Variants in NIBAN1 observed in about 807,000 individuals in gnomAD.
The protein encoded by NIBAN1 is protein Niban 1.
In NIBAN1, 81 loss-of-function variants were observed where a neutral mutation model predicts 75.1. The observed-to-expected ratio is 1.08, with a 90% CI of 0.90 to 1.30. The LOEUF is 1.30. NIBAN1 is among the 50% of genes most tolerant of loss of function. The probability of loss-of-function intolerance (pLI) is 0.00; values close to 1 mark genes in which losing one functional copy is unlikely to be tolerated. For missense variants in NIBAN1, 1,133 were observed against 1,128.1 expected (o/e 1.00, Z -0.06); for synonymous variants, 436 against 424.8 (o/e 1.03, Z -0.32).
At chr1:184,956,118 T>A (rs192534835) in intron 1 of NIBAN1, among the ~76,000 whole-genome samples, 89 of 152,176 alleles carry the variant, frequency 5.8e-4, no homozygotes, top group Non-Finnish European at 9.9e-4. Context: ...CATCTCTTGA[T>A]CCTGGGTTCC....
chr1:184,946,360 TAAC>T (rs1658226673), intron 1 of NIBAN1, among the ~76,000 whole-genome samples: 1 of 152,174 alleles, frequency 6.6e-6, no homozygotes, highest in African/African-American at 2.4e-5. Flanking sequence ...TGCTATAAAA[TAAC>T]AACAATCCAG....
chr1:184,808,025 C>T (rs1464529149), intron 10 of NIBAN1, 49 bp downstream of exon 10: 2 of 1,607,370 alleles, frequency 1.2e-6, no homozygotes, highest in Non-Finnish European at 8.5e-7. Flanking sequence ...ACCCATTTCT[C>T]TGCTCTCTCT....
At chr1:184,828,501 C>T (rs568981636) in intron 6 of NIBAN1, among the ~76,000 whole-genome samples, 1 of 152,290 alleles carries the variant, frequency 6.6e-6, no homozygotes, top group African/African-American at 2.4e-5. Flanking sequence ...CCTCTTTTTT[C>T]TATGAGTCTT....
At chr1:184,835,114 T>G (rs1459327697) in intron 5 of NIBAN1, among the ~76,000 whole-genome samples, 4 of 152,324 alleles carry the variant, frequency 2.6e-5, no homozygotes, top group East Asian at 3.9e-4. Flanking sequence ...TTTCCCCATT[T>G]CTTGTTTTTG....
intron 1 of NIBAN1, among the ~76,000 whole-genome samples, chr1:184,911,023 C>G (rs61823954): frequency 2.0e-5 from 3 of 151,960 alleles, no homozygotes; most frequent in Non-Finnish European, 4.4e-5. Flanking sequence ...TTGGACTTGT[C>G]AGTCTCCATA....
intron 1 of NIBAN1, among the ~76,000 whole-genome samples, chr1:184,967,219 C>G (rs923406276): frequency 9.3e-5 from 14 of 151,140 alleles, no homozygotes; most frequent in East Asian, 1.9e-4. Context: ...CTCTCTCTCT[C>G]TGTGTGTGTG....
chr1:184,888,845 A>G (rs1197826567), intron 4 of NIBAN1, among the ~76,000 whole-genome samples: 3 of 152,242 alleles, frequency 2.0e-5, no homozygotes, highest in African/African-American at 7.2e-5. Flanking sequence ...GATGTAAAAG[A>G]AAATATAATA....
chr1:184,836,431 C>G (rs934673097), intron 5 of NIBAN1, among the ~76,000 whole-genome samples: 3 of 152,210 alleles, frequency 2.0e-5, no homozygotes, highest in African/African-American at 7.2e-5. Flanking sequence ...ATTTCCTCCT[C>G]TACTGACCTC....
chr1:184,909,689 G>A (rs1657190872), intron 1 of NIBAN1, among the ~76,000 whole-genome samples: 1 of 152,184 alleles, frequency 6.6e-6, no homozygotes, highest in South Asian at 2.1e-4. Flanking sequence ...AAGATTTTGT[G>A]AAATGCCAAA....
chr1:184,816,650 C>T (rs1265522293), intron 9 of NIBAN1, among the ~76,000 whole-genome samples: 2 of 152,072 alleles, frequency 1.3e-5, no homozygotes, highest in African/African-American at 4.8e-5. Context: ...CTAGAACATA[C>T]CAGGTTTTGT....
At chr1:184,804,674 C>A (rs1421438589) in intron 11 of NIBAN1, among the ~76,000 whole-genome samples, 1 of 151,578 alleles carries the variant, frequency 6.6e-6, no homozygotes, top group Non-Finnish European at 1.5e-5. Context: ...TTCTTCCTTT[C>A]TTTCTGTACG....
chr1:184,797,069 T>C (rs1008572206), intron 13 of NIBAN1, among the ~76,000 whole-genome samples: 2 of 151,978 alleles, frequency 1.3e-5, no homozygotes, highest in Non-Finnish European at 2.9e-5. Flanking sequence ...TCTTTTGTGA[T>C]ACTCAAGACC....
chr1:184,934,041 A>G (rs775187851), intron 1 of NIBAN1, among the ~76,000 whole-genome samples: 8 of 152,212 alleles, frequency 5.3e-5, no homozygotes, highest in Non-Finnish European at 1.0e-4. Context: ...CATGGGTTCA[A>G]GAAAGAGGCA....
rs149969592 is a variant in NIBAN1, at chr1:184,941,419, G to A, written c.55+32883C>T. Among the ~76,000 whole-genome samples the A allele has an allele frequency of 7.9e-5, 12 of 152,224 alleles. No homozygotes were observed. In the East Asian group the frequency reaches 2.3e-3, roughly 29 times the overall value. On this transcript the variant is annotated intron_variant, in intron 1 of 13. Coordinates refer to ENST00000367511, the MANE Select transcript of NIBAN1 (RefSeq NM_052966.4). The stretch of plus-strand genomic sequence containing the variant: ...AATCCTAGCACTTTAGGAGGCCGAG[G>A]CAGGTAGATTGCTTGAGCTCATGAA...
chr1:184,840,515 G>A (rs902750252), intron 5 of NIBAN1, among the ~76,000 whole-genome samples: 5 of 152,026 alleles, frequency 3.3e-5, no homozygotes, highest in African/African-American at 1.2e-4. Context: ...GGTGTTTCTA[G>A]TAAAGACATT....
chr1:184,923,931 T>C (rs1245293336), intron 1 of NIBAN1, among the ~76,000 whole-genome samples: 1 of 152,110 alleles, frequency 6.6e-6, no homozygotes. Context: ...CCTGCAACTT[T>C]ACTGAATTTG....
At chr1:184,810,139 G>A (rs1467574192) in intron 9 of NIBAN1, among the ~76,000 whole-genome samples, 1 of 152,146 alleles carries the variant, frequency 6.6e-6, no homozygotes, top group Non-Finnish European at 1.5e-5. Context: ...AATTATATAT[G>A]TGTATATATG....
chr1:184,883,325 G>A (rs568330946), intron 5 of NIBAN1, among the ~76,000 whole-genome samples: 1 of 152,202 alleles, frequency 6.6e-6, no homozygotes, highest in East Asian at 1.9e-4. Context: ...AATGATAATT[G>A]GTGGGTGTTT....
chr1:184,881,623 C>T (rs1460709104), intron 5 of NIBAN1, among the ~76,000 whole-genome samples: 1 of 152,188 alleles, frequency 6.6e-6, no homozygotes, highest in Non-Finnish European at 1.5e-5. Flanking sequence ...GCTCCATAGA[C>T]AGAGCAGCCC....
Sources: allele counts gnomAD v4.1 joint callset (sites outside exome capture counted in the v4.1 genomes callset), GRCh38; gene constraint gnomAD v4.1.1; transcripts MANE v1.5; gene names NCBI Gene and HGNC (gene_info 2026-07-23, HGNC 2026-07-21).